Variants in HPCAL1 observed in about 807,000 individuals in gnomAD.
HPCAL1 encodes hippocalcin like 1, also known as hippocalcin-like protein 1.
HPCAL1 carries 8 observed loss-of-function variants against 17.1 expected under a neutral mutation model. The observed-to-expected ratio is 0.47, with a 90% confidence interval of 0.27 to 0.84. HPCAL1 has a LOEUF of 0.84. Ranked by LOEUF, HPCAL1 falls within the 40% of genes least tolerant of loss-of-function variation. The probability of loss-of-function intolerance (pLI) is 0.13; values close to 1 mark genes in which losing one functional copy is unlikely to be tolerated. For synonymous variants in HPCAL1, 112 were observed against 111.4 expected, an observed-to-expected ratio of 1.01 and a Z score of -0.03; for missense variants, 165 against 271.1, an observed-to-expected ratio of 0.61 and a Z score of 2.75.
At chr2:10,426,432 T>C in intron 4 of HPCAL1, 2 of 384,380 alleles carry the variant, frequency 5.2e-6, no homozygotes, top group South Asian at 5.4e-5. Flanking sequence ...ATAAGCGAAG[T>C]GTGGGGTGAT....
At chr2:10,337,193 T>C (rs991638976) in intron 1 of HPCAL1, among the ~76,000 whole-genome samples, 1 of 152,082 alleles carries the variant, frequency 6.6e-6, no homozygotes, top group Non-Finnish European at 1.5e-5. Context: ...ACCCCTCCCA[T>C]AGGGAGGCCA....
rs1343554649 is a variant in HPCAL1 at position 10,422,127 on chromosome 2, C to T, written c.379-856C>T. On this transcript the variant is annotated intron_variant, in intron 3 of 4. Transcript: ENST00000307845. ...AGCAGCCACTTCTGTCCAAACGGGA[C>T]AGCCCCCAAACCAAGTCCCCAAACC... Among the ~76,000 whole-genome samples, 3 of 152,172 alleles carry T rather than the reference C, an allele frequency of 2.0e-5. No individual in the cohort carries two copies. In the East Asian group the frequency reaches 5.8e-4, roughly 29 times the overall value.
At chr2:10,352,262 C>A (rs951391594) in intron 1 of HPCAL1, among the ~76,000 whole-genome samples, 1 of 152,152 alleles carries the variant, frequency 6.6e-6, no homozygotes, top group Non-Finnish European at 1.5e-5. Context: ...CTCCCACTCA[C>A]CTTCCCTCTC....
rs371272420 is a variant in HPCAL1 at position 10,376,581 on chromosome 2, G to A, written c.-110-20254G>A. On this transcript the variant is annotated intron_variant, in intron 1 of 4. Transcript: ENST00000307845. The stretch of plus-strand genomic sequence containing the variant: ...CTCCCAAGTAGCTGGGATTACAGGC[G>A]TGCATCACCACACCTGGTTAATTTT... 4.6e-5 allele frequency among the ~76,000 whole-genome samples: 7 copies of A among 152,106 alleles called. No individual in the cohort carries two copies. In the South Asian group the frequency reaches 8.3e-4, roughly 18 times the overall value.
chr2:10,369,081 C>A (rs1187029855), intron 1 of HPCAL1: 1 of 152,196 alleles, frequency 6.6e-6, no homozygotes, highest in Non-Finnish European at 1.5e-5. Context: ...AGGCTGGCCA[C>A]CTTCGCACTG....
intron 1 of HPCAL1, among the ~76,000 whole-genome samples, chr2:10,382,358 G>C (rs902719823): frequency 2.0e-5 from 3 of 152,016 alleles, no homozygotes; most frequent in African/African-American, 7.3e-5. Context: ...TGTAGTGGGG[G>C]AGCCATGTCA....
At chr2:10,399,530 TGCCACCGC>T (rs1669427309) in intron 2 of HPCAL1, among the ~76,000 whole-genome samples, 4 of 85,886 alleles carry the variant, frequency 4.7e-5, no homozygotes, top group Admixed American at 1.3e-4. Flanking sequence ...CCACCGCCAC[TGCCACCGC>T]CACCATCACC....
rs544825850 is a variant in HPCAL1 at position 10,323,774 on chromosome 2, C to T, written c.-111+20597C>T. On this transcript the variant is annotated intron_variant, in intron 1 of 4. Coordinates refer to ENST00000307845, the MANE Select transcript of HPCAL1 (RefSeq NM_002149.4). This position sits in a 1 kb window ranked among gnomAD's most constrained non-coding sequence, Gnocchi z 4.6. ...GAGTGCCTACTGTATGCCAGGGATT[C>T]TTCCAGGCACTGGGGAGACATTTAA... 6.6e-6 allele frequency among the ~76,000 whole-genome samples: 1 copy of T among 152,366 alleles called. No individual in the cohort carries two copies. The highest frequency in any genetic ancestry group is 2.1e-4 in the South Asian group (1 of 4,828).
intron 1 of HPCAL1, among the ~76,000 whole-genome samples, chr2:10,364,738 C>T (rs369993675): frequency 1.5e-4 from 23 of 152,142 alleles, no homozygotes; most frequent in African/African-American, 4.3e-4. Flanking sequence ...GGTGCATGCC[C>T]CCACACCAGA....
intron 2 of HPCAL1, among the ~76,000 whole-genome samples, chr2:10,399,707 G>A (rs547038091): frequency 7.9e-5 from 12 of 152,010 alleles, no homozygotes; most frequent in Non-Finnish European, 1.3e-4. Context: ...AGGGCCTTCC[G>A]CTTCTCTCTG....
chr2:10,328,988 T>G (rs1664186682), intron 1 of HPCAL1, among the ~76,000 whole-genome samples: 1 of 152,042 alleles, frequency 6.6e-6, no homozygotes, highest in Admixed American at 6.6e-5. Context: ...AAATTAAATT[T>G]TTAATTTTAA....
At chr2:10,374,429 C>T (rs1667419492) in intron 1 of HPCAL1, among the ~76,000 whole-genome samples, 1 of 152,156 alleles carries the variant, frequency 6.6e-6, no homozygotes, top group East Asian at 1.9e-4. Context: ...TTTGTGTTGA[C>T]CATTCTTGTT....
intron 1 of HPCAL1, among the ~76,000 whole-genome samples, chr2:10,334,824 T>C (rs1449728724): frequency 6.6e-6 from 1 of 152,116 alleles, no homozygotes; most frequent in African/African-American, 2.4e-5. Context: ...TAGCTAGGAC[T>C]ACAGGTACAT....
chr2:10,409,337 G>GGGA (rs1268099585), intron 2 of HPCAL1, among the ~76,000 whole-genome samples: 1 of 152,162 alleles, frequency 6.6e-6, no homozygotes, highest in African/African-American at 2.4e-5. Flanking sequence ...AGCCTGGATG[G>GGGA]TCCCAGATGC....
chr2:10,312,118 T>C (rs1663006785), intron 1 of HPCAL1, among the ~76,000 whole-genome samples: 1 of 151,018 alleles, frequency 6.6e-6, no homozygotes, highest in Non-Finnish European at 1.5e-5. Context: ...ATCACTATCA[T>C]CCTCACCATC....
intron 1 of HPCAL1, among the ~76,000 whole-genome samples, chr2:10,366,711 T>A (rs1666877592): frequency 6.6e-6 from 1 of 152,214 alleles, no homozygotes; most frequent in African/African-American, 2.4e-5. Context: ...CTCTGGCACC[T>A]GCCCCGGCTC....
At chr2:10,347,850 T>C (rs1665569321) in intron 1 of HPCAL1, among the ~76,000 whole-genome samples, 1 of 152,136 alleles carries the variant, frequency 6.6e-6, no homozygotes, top group South Asian at 2.1e-4. Flanking sequence ...AGGTTGGGTT[T>C]AGCAAACTGT....
intron 2 of HPCAL1, among the ~76,000 whole-genome samples, chr2:10,418,665 G>A (rs768195459): frequency 3.9e-5 from 6 of 151,972 alleles, no homozygotes; most frequent in South Asian, 2.1e-4. Context: ...AAATTATCAC[G>A]CCCTGTATAT....
chr2:10,420,960 C>T (rs928772363), intron 3 of HPCAL1, among the ~76,000 whole-genome samples: 3 of 152,082 alleles, frequency 2.0e-5, no homozygotes, highest in Non-Finnish European at 4.4e-5. Flanking sequence ...GAGGTTTCAC[C>T]ATGTTGGCCA....
Sources: gnomAD v4.1 joint callset for allele counts (sites outside exome capture counted in the v4.1 genomes callset) on GRCh38, gnomAD v4.1.1 for gene constraint, Gnocchi (gnomAD v3.1) non-coding constraint, MANE v1.5 for transcripts, NCBI Gene and HGNC (gene_info 2026-07-23, HGNC 2026-07-21) for gene names.